The following PIK3CB variants were observed in gnomAD, a reference collection of about 807,000 sequenced individuals.
PIK3CB encodes the protein phosphatidylinositol-4,5-bisphosphate 3-kinase catalytic subunit beta, also known as phosphatidylinositol 4,5-bisphosphate 3-kinase catalytic subunit beta isoform.
PIK3CB carries 39 observed loss-of-function variants against 136.8 expected under a neutral mutation model. The ratio of observed to expected loss-of-function variants is 0.29; its 90% CI spans 0.22 to 0.37. PIK3CB has a LOEUF of 0.37. Among genes scored for constraint, PIK3CB ranks in the 10% least tolerant of loss-of-function variants. The probability of loss-of-function intolerance (pLI) is 1.00; values close to 1 mark genes in which losing one functional copy is unlikely to be tolerated. For missense variants in PIK3CB, 868 were observed against 1,275.4 expected (o/e 0.68, Z 4.87); for synonymous variants, 428 against 436.6 (o/e 0.98, Z 0.25).
rs1042764265 is a variant in PIK3CB at position 138,688,780 on chromosome 3, C to A, written c.2136+95G>T. On this transcript the variant is annotated intron_variant, in intron 16 of 23. Coordinates refer to ENST00000674063, the MANE Select transcript of PIK3CB (RefSeq NM_006219.3). ...ATAAAACTGATCAAACACCAAGTACCAAATTGAACATGAAGATTAAAACAA... is the reference window on the plus strand; with the variant it reads ...ATAAAACTGATCAAACACCAAGTACAAAATTGAACATGAAGATTAAAACAA... The A allele has an allele frequency of 5.1e-5, 36 of 712,530 alleles. No homozygotes were observed. The African/African-American group carries it at 5.7e-4, about 11-fold the overall frequency. The allele number at this position is 712,530 out of a possible 1,614,324, so 44.1% of individuals were successfully genotyped here. A position where few individuals can be genotyped will look rare whatever the true frequency, so the allele number is the denominator to read the frequency against.
chr3:138,701,442 T>C (rs78045757), intron 12 of PIK3CB, among the ~76,000 whole-genome samples: 4,032 of 152,206 alleles, frequency 0.026, 196 homozygotes, highest in South Asian at 0.15. Context: ...ACTCAGGTTA[T>C]GTATAAAAAT....
At chr3:138,718,566 T>C (rs1325799052) in intron 8 of PIK3CB, among the ~76,000 whole-genome samples, 3 of 152,190 alleles carry the variant, frequency 2.0e-5, no homozygotes, top group African/African-American at 7.2e-5. Context: ...TCGCTTTTGG[T>C]GTCTTTGTCA....
At chr3:138,705,174 C>CAAAAAAAAA (rs1159172292) in intron 11 of PIK3CB, among the ~76,000 whole-genome samples, 1 of 57,060 alleles carries the variant, frequency 1.8e-5, no homozygotes, top group Non-Finnish European at 3.0e-5. Flanking sequence ...AAAAAAAAAA[C>CAAAAAAAAA]AAAAAACAAA....
At chr3:138,765,177 G>A (rs1435723531) in intron 2 of PIK3CB, among the ~76,000 whole-genome samples, 1 of 152,064 alleles carries the variant, frequency 6.6e-6, no homozygotes, top group African/African-American at 2.4e-5. Flanking sequence ...AAAATTAGCT[G>A]GGCGTGATGG....
rs993667945 is a variant in PIK3CB, at chr3:138,653,471, C to T, written c.*1918G>A. ...AGGCCCTCCTTTTGGCTGAGGAGACCCCTCTGGAAAGAATGGTATCCATTT... is the reference window on the plus strand; with the variant it reads ...AGGCCCTCCTTTTGGCTGAGGAGACTCCTCTGGAAAGAATGGTATCCATTT... On this transcript the variant is annotated 3_prime_UTR_variant, in exon 24 of 24. Coordinates refer to ENST00000674063, the MANE Select transcript of PIK3CB (RefSeq NM_006219.3). 3.4e-5 allele frequency: 6 copies of T among 178,242 alleles called. No individual in the cohort carries two copies. Among genetic ancestry groups the T allele is most frequent in the Non-Finnish European group, 7.2e-5 (6 of 83,106 alleles). The allele number at this position is 178,242 out of a possible 1,614,324, so 11.0% of individuals were successfully genotyped here.
intron 8 of PIK3CB, among the ~76,000 whole-genome samples, chr3:138,732,190 A>G (rs1230833928): frequency 1.3e-5 from 2 of 152,174 alleles, no homozygotes; most frequent in Admixed American, 6.5e-5. Context: ...GAGCGGTAAG[A>G]GTACCTAAAA....
chr3:138,673,562 C>G (rs1356634673), intron 19 of PIK3CB, among the ~76,000 whole-genome samples: 1 of 152,122 alleles, frequency 6.6e-6, no homozygotes, highest in African/African-American at 2.4e-5. Context: ...ATATCAAACT[C>G]TGAATATCTA....
At chr3:138,734,597 C>T (rs745438570) in intron 7 of PIK3CB, 37 bp downstream of exon 7, 1 of 1,486,298 alleles carries the variant, frequency 6.7e-7, no homozygotes, top group South Asian at 1.2e-5. Flanking sequence ...AATCACATGG[C>T]TTTTGGGGTT....
rs1577068818 is a variant in PIK3CB at position 138,683,724 on chromosome 3, C to T, written c.2379G>A (p.Lys793=). 6.2e-7 allele frequency: 1 copy of T among 1,607,012 alleles called. No homozygotes were observed. The highest frequency in any genetic ancestry group is 1.1e-5 in the South Asian group (1 of 90,924). The part of the protein sequence containing the change: ...MKPLWLVYNN[K]VFGEDSVGVI... ...CTCCAACTGAATCCTCACCAAATACCTTGTTATTGTATACCAGCCACAAAG... is the reference window on the plus strand; with the variant it reads ...CTCCAACTGAATCCTCACCAAATACTTTGTTATTGTATACCAGCCACAAAG... Residue 793 remains lysine, a synonymous_variant, in exon 18 of 24, where the codon AAG becomes AAA. Transcript: ENST00000674063.
chr3:138,815,356 C>CAAAAAAAAA (rs56785236), intron 1 of PIK3CB, among the ~76,000 whole-genome samples: 453 of 25,852 alleles, frequency 0.018, 2 homozygotes, highest in Middle Eastern at 0.025. Context: ...CATCCTGTCT[C>CAAAAAAAAA]AAAAAAAAAA....
intron 10 of PIK3CB, among the ~76,000 whole-genome samples, chr3:138,711,873 G>A (rs1194355361): frequency 1.3e-5 from 2 of 151,744 alleles, no homozygotes; most frequent in Non-Finnish European, 2.9e-5. Context: ...TGTAATCCTA[G>A]CACTTTGGGA....
rs142334810 is a variant in PIK3CB at position 138,771,555 on chromosome 3, G to A, written c.-16-12196C>T. On this transcript the variant is annotated intron_variant, in intron 2 of 23. Coordinates refer to ENST00000674063, the MANE Select transcript of PIK3CB (RefSeq NM_006219.3). ...TTTTCTAAAGGTGATTATTTATTCC[G>A]AATTGCTATAATTATATGTAAGAGC... Among the ~76,000 whole-genome samples, 820 of 152,086 alleles carry A rather than the reference G, an allele frequency of 5.4e-3. 16 individuals are homozygous for A. Among genetic ancestry groups the A allele is most frequent in the Non-Finnish European group, 3.4e-3 (230 of 68,002 alleles).
rs571953851 is a variant in PIK3CB at position 138,808,092 on chromosome 3, C to G, written c.-121-11525G>C. On this transcript the variant is annotated intron_variant, in intron 1 of 23. Transcript: ENST00000674063. ...TCAGATTGAGGGCTAGGAAAAGATA[C>G]ATTTATTTTCTCCCTATGACATATG... is the stretch of plus-strand genomic sequence containing the variant. Among the ~76,000 whole-genome samples the G allele has an allele frequency of 3.2e-4, 48 of 152,128 alleles. No individual in the cohort carries two copies. The Middle Eastern group carries it at 0.01, about 32-fold the overall frequency.
chr3:138,760,416 G>A (rs2045647344), intron 2 of PIK3CB, among the ~76,000 whole-genome samples: 1 of 152,016 alleles, frequency 6.6e-6, no homozygotes, highest in African/African-American at 2.4e-5. Flanking sequence ...GTTCACATGA[G>A]GAATAAACTC....
intron 2 of PIK3CB, among the ~76,000 whole-genome samples, chr3:138,789,925 G>A (rs913470394): frequency 4.6e-5 from 7 of 152,026 alleles, no homozygotes; most frequent in East Asian, 1.9e-4. Flanking sequence ...TCCTGACCTC[G>A]TGATCTGCCC....
At chr3:138,677,085 T>A (rs891203376) in intron 19 of PIK3CB, among the ~76,000 whole-genome samples, 4 of 147,666 alleles carry the variant, frequency 2.7e-5, no homozygotes, top group African/African-American at 9.9e-5. Flanking sequence ...GAGATGGAGC[T>A]TCGCTCTTGT....
chr3:138,822,856 A>C (rs1228071110), intron 1 of PIK3CB, among the ~76,000 whole-genome samples: 1 of 148,066 alleles, frequency 6.8e-6, no homozygotes, highest in Non-Finnish European at 1.5e-5. Context: ...CATGAAATAT[A>C]TATACGAAAT....
intron 2 of PIK3CB, among the ~76,000 whole-genome samples, chr3:138,767,489 C>T (rs1273985521): frequency 2.6e-5 from 4 of 152,170 alleles, no homozygotes; most frequent in African/African-American, 7.2e-5. Flanking sequence ...TGGCCAGAAA[C>T]ATCTGTGGCC....
At chr3:138,819,607 A>G (rs1933471118) in intron 1 of PIK3CB, among the ~76,000 whole-genome samples, 1 of 152,178 alleles carries the variant, frequency 6.6e-6, no homozygotes, top group Non-Finnish European at 1.5e-5. Flanking sequence ...TTTAAACAAT[A>G]CTGATGCCGA....
Sources: gnomAD v4.1 joint callset for allele counts (sites outside exome capture counted in the v4.1 genomes callset) on GRCh38, gnomAD v4.1.1 for gene constraint, MANE v1.5 for transcripts, NCBI Gene and HGNC (gene_info 2026-07-23, HGNC 2026-07-21) for gene names.